OSBPL6: variants seen among roughly 807,000 people sequenced by gnomAD.
OSBPL6 encodes oxysterol-binding protein-related protein 6.
Under a neutral mutation model 125.8 loss-of-function variants are expected in OSBPL6, and 49 were observed. The ratio of observed to expected loss-of-function variants is 0.39; its 90% CI spans 0.31 to 0.49. The LOEUF is 0.49. Ranked by LOEUF, OSBPL6 falls within the 20% of genes least tolerant of loss-of-function variation. The pLI is 0.88. For missense variants in OSBPL6, 986 were observed against 1,135.4 expected (o/e 0.87, Z 1.89); for synonymous variants, 394 against 391.8 (o/e 1.01, Z -0.07).
intron 1 of OSBPL6, among the ~76,000 whole-genome samples, chr2:178,202,222 G>T (rs1011386667): frequency 9.9e-5 from 15 of 152,022 alleles, no homozygotes; most frequent in Admixed American, 6.6e-4. Flanking sequence ...ACCATTTATG[G>T]TGCCTTTCAT....
chr2:178,267,532 T>G (rs998693673), intron 1 of OSBPL6, among the ~76,000 whole-genome samples: 4 of 152,046 alleles, frequency 2.6e-5, no homozygotes, highest in African/African-American at 7.2e-5. Flanking sequence ...TTGTAGGATA[T>G]ATGTAAGTAT....
rs1387564293 is a variant in OSBPL6, at chr2:178,360,603, A to G, written c.1154-1079A>G. Among the ~76,000 whole-genome samples the G allele has an allele frequency of 3.9e-5, 6 of 152,230 alleles. No homozygotes were observed. The South Asian group carries it at 6.2e-4, about 16-fold the overall frequency. On this transcript the variant is annotated intron_variant, in intron 12 of 24. Coordinates refer to ENST00000190611, the MANE Select transcript of OSBPL6 (RefSeq NM_032523.4). ...ATTTTTAAGCCTCCATTGAAACTAC[A>G]TATTTTCAACAGACACACAAATTCT...
intron 1 of OSBPL6, among the ~76,000 whole-genome samples, chr2:178,228,764 A>G (rs1192421310): frequency 6.6e-6 from 1 of 152,190 alleles, no homozygotes; most frequent in Non-Finnish European, 1.5e-5. Context: ...CATTTACAGC[A>G]CATCTGAACT....
chr2:178,286,735 T>A (rs1684728696), intron 2 of OSBPL6, among the ~76,000 whole-genome samples: 1 of 152,194 alleles, frequency 6.6e-6, no homozygotes, highest in Non-Finnish European at 1.5e-5. Flanking sequence ...AGTAGCCTTC[T>A]TTTTGAATGA....
Position 178,399,124 on chromosome 2 carries a change from C to A in OSBPL6, c.*3565C>A, listed in dbSNP as rs1696016706. 6.6e-6 allele frequency: 1 copy of A among 152,016 alleles called. No homozygotes were observed. Among genetic ancestry groups the A allele is most frequent in the East Asian group, 1.9e-4 (1 of 5,200 alleles). 9.4% of individuals were successfully genotyped at this position (152,016 alleles called of 1,614,324 possible). A position where few individuals can be genotyped will look rare whatever the true frequency, so the allele number is the denominator to read the frequency against. On this transcript the variant is annotated 3_prime_UTR_variant, in exon 25 of 25. Transcript: ENST00000190611. ...TTGTGTACAAAATACTAGTTTATTT[C>A]TATGGGAGCCATTATGTTCAGGATA...
chr2:178,387,235 C>G, intron 20 of OSBPL6, 96 bp downstream of exon 20: 2 of 936,676 alleles, frequency 2.1e-6, no homozygotes, highest in South Asian at 1.8e-5. Flanking sequence ...GTTTCTTTCT[C>G]TTTATACCCA....
intron 3 of OSBPL6, among the ~76,000 whole-genome samples, chr2:178,311,790 G>A (rs1476248630): frequency 6.6e-6 from 1 of 152,176 alleles, no homozygotes; most frequent in Admixed American, 6.5e-5. Context: ...CAGCAGAGAG[G>A]ACCTAAGAGA....
At chr2:178,303,987 A>C (rs936507734) in intron 2 of OSBPL6, among the ~76,000 whole-genome samples, 6 of 152,202 alleles carry the variant, frequency 3.9e-5, no homozygotes, top group Admixed American at 3.3e-4. Context: ...TCAAAATGCC[A>C]ATGTCTTAGT....
chr2:178,315,162 G>T (rs1687626351), intron 3 of OSBPL6, among the ~76,000 whole-genome samples: 1 of 152,198 alleles, frequency 6.6e-6, no homozygotes, highest in African/African-American at 2.4e-5. Context: ...TTTGGAATGA[G>T]AAGTTTTGAT....
chr2:178,317,136 G>T (rs547022701), intron 3 of OSBPL6, among the ~76,000 whole-genome samples: 1 of 151,950 alleles, frequency 6.6e-6, no homozygotes, highest in African/African-American at 2.4e-5. Flanking sequence ...GAGTTTGTGT[G>T]TGTATATCTT....
chr2:178,363,581 A>C (rs1692547917), intron 13 of OSBPL6, among the ~76,000 whole-genome samples: 2 of 152,168 alleles, frequency 1.3e-5, no homozygotes, highest in East Asian at 3.9e-4. Context: ...AGAGCCACAG[A>C]TCAGGCTTCT....
intron 13 of OSBPL6, among the ~76,000 whole-genome samples, chr2:178,364,948 G>A (rs1303421980): frequency 6.6e-6 from 1 of 152,198 alleles, no homozygotes; most frequent in African/African-American, 2.4e-5. Context: ...GGAGGCCGAG[G>A]TGGGTGGATC....
At chr2:178,395,060 G>T (rs1178432943) in intron 24 of OSBPL6, among the ~76,000 whole-genome samples, 4 of 152,116 alleles carry the variant, frequency 2.6e-5, no homozygotes, top group Non-Finnish European at 5.9e-5. Context: ...CCTTGGACAT[G>T]GGCCCAGTAG....
At chr2:178,352,802 C>A (rs1019010380) in intron 12 of OSBPL6, among the ~76,000 whole-genome samples, 1 of 152,154 alleles carries the variant, frequency 6.6e-6, no homozygotes, top group African/African-American at 2.4e-5. Flanking sequence ...GGTCCCTGAC[C>A]CCCATGTAGC....
intron 1 of OSBPL6, among the ~76,000 whole-genome samples, chr2:178,240,205 G>A (rs1044048360): frequency 6.6e-6 from 1 of 152,134 alleles, no homozygotes; most frequent in Non-Finnish European, 1.5e-5. Context: ...TCTGGAGATG[G>A]ATGATGGTGA....
chr2:178,201,872 A>C (rs2089278853), intron 1 of OSBPL6, among the ~76,000 whole-genome samples: 1 of 152,216 alleles, frequency 6.6e-6, no homozygotes, highest in South Asian at 2.1e-4. Flanking sequence ...CCATTCTTAC[A>C]TGTGCTTGTT....
At chr2:178,365,477 C>A (rs1479320573) in intron 13 of OSBPL6, among the ~76,000 whole-genome samples, 1 of 152,068 alleles carries the variant, frequency 6.6e-6, no homozygotes, top group Non-Finnish European at 1.5e-5. Flanking sequence ...GTTACTTCAA[C>A]CAGCCTGGTC....
intron 1 of OSBPL6, among the ~76,000 whole-genome samples, chr2:178,225,736 G>A (rs972164960): frequency 6.6e-6 from 1 of 152,188 alleles, no homozygotes; most frequent in Non-Finnish European, 1.5e-5. Context: ...CAAAGAAAGA[G>A]CTTGTTCAGA....
intron 1 of OSBPL6, among the ~76,000 whole-genome samples, chr2:178,278,221 G>A (rs1028974801): frequency 1.3e-5 from 2 of 151,992 alleles, no homozygotes; most frequent in African/African-American, 4.8e-5. Flanking sequence ...GCCCACAAAC[G>A]CCAAGCTAGA....
Sources: gnomAD v4.1 joint callset for allele counts (sites outside exome capture counted in the v4.1 genomes callset) on GRCh38, gnomAD v4.1.1 for gene constraint, MANE v1.5 for transcripts, NCBI Gene and HGNC (gene_info 2026-07-23, HGNC 2026-07-21) for gene names.